The following CCDC124 variants were observed in gnomAD, a reference collection of about 807,000 sequenced individuals.
CCDC124 encodes coiled-coil domain-containing protein 124.
In CCDC124, 9 loss-of-function variants were observed where a neutral mutation model predicts 19.8. The observed-to-expected ratio is 0.45, with a 90% CI of 0.27 to 0.79. CCDC124 has a LOEUF of 0.79. Ranked by LOEUF, CCDC124 falls within the 30% of genes least tolerant of loss-of-function variation. The pLI is 0.14. For synonymous variants in CCDC124, 126 were observed against 131.3 expected (o/e 0.96, Z 0.27); for missense variants, 285 against 319.0 (o/e 0.89, Z 0.81).
At chr19:17,941,424 A>G (rs1039840739) in intron 2 of CCDC124, among the ~76,000 whole-genome samples, 4 of 150,342 alleles carry the variant, frequency 2.7e-5, no homozygotes, top group African/African-American at 9.8e-5. Flanking sequence ...AGGCATGAGA[A>G]TTGCTTGAAC....
chr19:17,941,667 T>C (rs1030651083), intron 2 of CCDC124, among the ~76,000 whole-genome samples: 1 of 152,152 alleles, frequency 6.6e-6, no homozygotes. Flanking sequence ...GCCTTGACTT[T>C]AACCGCCCCC....
intron 2 of CCDC124, among the ~76,000 whole-genome samples, chr19:17,937,603 C>T (rs1265674185): frequency 6.6e-6 from 1 of 152,122 alleles, no homozygotes; most frequent in Non-Finnish European, 1.5e-5. Flanking sequence ...CTAGAATGCA[C>T]AGGACGCCCC....
At chr19:17,938,623 G>T (rs2147779670) in intron 2 of CCDC124, among the ~76,000 whole-genome samples, 1 of 152,138 alleles carries the variant, frequency 6.6e-6, no homozygotes, top group East Asian at 1.9e-4. Context: ...AGACGGTCTT[G>T]CTCTGTCACC....
rs1380392249 is a variant in CCDC124 at position 17,942,915 on chromosome 19, G to C, written c.349+70G>C. ...GAGGCAGTGGACCTTGAGTCCATTA[G>C]CCCCCTCCTGGCCCCCAGAGAAGCT... On this transcript the variant is annotated intron_variant, in intron 3 of 4. Transcript: ENST00000445755. The surrounding 1 kb of genome is among the most constrained non-coding windows in gnomAD (Gnocchi z 4.2). 1.4e-6 allele frequency: 2 copies of C among 1,440,102 alleles called. No homozygotes were observed. Among genetic ancestry groups the C allele is most frequent in the Non-Finnish European group, 1.8e-6 (2 of 1,092,472 alleles). The allele number at this position is 1,440,102 out of a possible 1,614,324, so 89.2% of individuals were successfully genotyped here. A position where few individuals can be genotyped will look rare whatever the true frequency, so the allele number is the denominator to read the frequency against.
intron 1 of CCDC124, among the ~76,000 whole-genome samples, chr19:17,933,701 C>G (rs1405123322): frequency 6.6e-6 from 1 of 152,188 alleles, no homozygotes; most frequent in Non-Finnish European, 1.5e-5. Flanking sequence ...AGGCTGCGCT[C>G]TCCCCCACTC....
intron 2 of CCDC124, among the ~76,000 whole-genome samples, chr19:17,941,797 T>TGTCCC (rs1408741876): frequency 6.6e-6 from 1 of 152,092 alleles, no homozygotes; most frequent in Non-Finnish European, 1.5e-5. Context: ...GCAGTGGTAG[T>TGTCCC]GTCCCAGGGG....
intron 2 of CCDC124, among the ~76,000 whole-genome samples, chr19:17,937,815 C>A (rs1050483647): frequency 6.6e-6 from 1 of 152,114 alleles, no homozygotes; most frequent in African/African-American, 2.4e-5. Context: ...TTCACCGCAA[C>A]CTTTGCCTCC....
chr19:17,941,657 G>C (rs1175764742), intron 2 of CCDC124, among the ~76,000 whole-genome samples: 1 of 152,136 alleles, frequency 6.6e-6, no homozygotes, highest in Non-Finnish European at 1.5e-5. Context: ...CACTCCAACA[G>C]CCTTGACTTT....
chr19:17,942,267 C>T lies in CCDC124; in HGVS notation c.160-389C>T, dbSNP rs1050763162. ...CTCCGCATGGCCCAGCCGTCTCCCT[C>T]CCGGCCTCTTCCCCCTCCCGCTTCA... On this transcript the variant is annotated intron_variant, in intron 2 of 4. Transcript: ENST00000445755. The surrounding 1 kb of genome is among the most constrained non-coding windows in gnomAD (Gnocchi z 4.2). Among the ~76,000 whole-genome samples the T allele has an allele frequency of 3.9e-5, 6 of 152,056 alleles. No homozygotes were observed. The highest frequency in any genetic ancestry group is 8.8e-5 in the Non-Finnish European group (6 of 67,986).
rs1168788678 is a variant in CCDC124, at chr19:17,942,894, C to T, written c.349+49C>T. ...GCTGCACTTTTGCCCACTGCAGAGG[C>T]AGTGGACCTTGAGTCCATTAGCCCC... On this transcript the variant is annotated intron_variant, in intron 3 of 4. Coordinates refer to ENST00000445755, the MANE Select transcript of CCDC124 (RefSeq NM_001136203.2). This position sits in a 1 kb window ranked among gnomAD's most constrained non-coding sequence, Gnocchi z 4.2. The T allele has an allele frequency of 6.8e-7, 1 of 1,461,472 alleles. No individual in the cohort carries two copies. Among genetic ancestry groups the T allele is most frequent in the Non-Finnish European group, 9.0e-7 (1 of 1,107,304 alleles). The allele number at this position is 1,461,472 out of a possible 1,614,324, so 90.5% of individuals were successfully genotyped here.
At chr19:17,933,823 T>C (rs2031000502) in intron 1 of CCDC124, among the ~76,000 whole-genome samples, 2 of 152,222 alleles carry the variant, frequency 1.3e-5, no homozygotes, top group Non-Finnish European at 1.5e-5. Flanking sequence ...GGACTCTGAT[T>C]GCATGTGTTG....
At chr19:17,936,338 GT>G in intron 1 of CCDC124, 71 bp from the exon 2 acceptor site, 1 of 1,319,496 alleles carries the variant, frequency 7.6e-7, no homozygotes, top group Non-Finnish European at 1.0e-6. Context: ...CTGCCCAAGT[GT>G]GATTCTGGGG....
Position 17,943,702 on chromosome 19 carries a change from A to G in CCDC124, c.659A>G (p.Asn220Ser), listed in dbSNP as rs199727961. The G allele has an allele frequency of 2.0e-4, 319 of 1,612,648 alleles. 3 individuals are homozygous for G. In the Middle Eastern group the frequency reaches 4.6e-3, roughly 23 times the overall value. ...ATGAACCAGCGGGCCGTGCCCTTCA[A>G]TGCCCCCAAGTGAGCCCAGAACTTG... is the stretch of plus-strand genomic sequence containing the variant. ...NPMNQRAVPF[N>S]APK The change falls in exon 5 of 5, where the codon AAT becomes AGT. Residue 220 changes from asparagine (N) to serine (S), a missense_variant. Asn to Ser is a conservative substitution (Grantham distance 46). Transcript: ENST00000445755.
intron 1 of CCDC124, among the ~76,000 whole-genome samples, chr19:17,936,034 G>A (rs1012042176): frequency 2.6e-5 from 4 of 152,134 alleles, no homozygotes; most frequent in Admixed American, 1.3e-4. Context: ...CCTCCTGACT[G>A]GCTGGGAATA....
At chr19:17,934,619 T>TAAAAAA (rs56743845) in intron 1 of CCDC124, among the ~76,000 whole-genome samples, 1 of 123,894 alleles carries the variant, frequency 8.1e-6, no homozygotes, top group South Asian at 2.7e-4. Context: ...GACCCTGCCT[T>TAAAAAA]AAAAAAAAAA....
Position 17,942,693 on chromosome 19 carries a change from G to GT in CCDC124, c.198dup (p.Lys67Ter). 6.4e-7 allele frequency: 1 copy of GT among 1,556,102 alleles called. No homozygotes were observed. Among genetic ancestry groups the GT allele is most frequent in the Non-Finnish European group, 8.7e-7 (1 of 1,149,946 alleles). ...AAGCGGCGCCTCGACCAGCTGGAAC[G>GT]TAAGAAGGAGACGCAGCGCCTACTG... On this transcript the variant is annotated frameshift_variant, in exon 3 of 5. Transcript: ENST00000445755. LOFTEE classifies it high-confidence loss of function. The surrounding 1 kb of genome is among the most constrained non-coding windows in gnomAD (Gnocchi z 4.2).
chr19:17,936,485 C>A lies in CCDC124; in HGVS notation c.65C>A (p.Ala22Asp). The A allele has an allele frequency of 6.2e-7, 1 of 1,613,078 alleles. No individual in the cohort carries two copies. Among genetic ancestry groups the A allele is most frequent in the Non-Finnish European group, 8.5e-7 (1 of 1,179,766 alleles). Residue 22 changes from alanine (A) to aspartate (D), a missense_variant, in exon 2 of 5, where the codon GCC becomes GAC. Coordinates refer to ENST00000445755, the MANE Select transcript of CCDC124 (RefSeq NM_001136203.2). ...GCGGCCCGGGCACGTAGGGCAGAGG[C>A]CAAGGCGGCCGCTGATGCCAAGAAG... ...SAAARARRAE[A>D]KAAADAKKQK...
At chr19:17,943,480 G>C (rs754935353) in intron 4 of CCDC124, 28 bp from the exon 5 acceptor site, 2 of 1,602,564 alleles carry the variant, frequency 1.2e-6, no homozygotes, top group Non-Finnish European at 1.7e-6. Context: ...TGCGCCCAAG[G>C]CCCCCTGACG....
At chr19:17,937,252 A>G (rs1341325382) in intron 2 of CCDC124, among the ~76,000 whole-genome samples, 1 of 150,764 alleles carries the variant, frequency 6.6e-6, no homozygotes, top group African/African-American at 2.5e-5. Flanking sequence ...TTGCACTCCA[A>G]CCTGGGCAAC....
Sources: gnomAD v4.1 joint callset for allele counts (sites outside exome capture counted in the v4.1 genomes callset) on GRCh38, gnomAD v4.1.1 for gene constraint, Gnocchi (gnomAD v3.1) non-coding constraint, MANE v1.5 for transcripts, NCBI Gene and HGNC (gene_info 2026-07-23, HGNC 2026-07-21) for gene names.